Variants in HYAL4 observed in about 807,000 individuals in gnomAD.
HYAL4 encodes hyaluronidase 4.
HYAL4 carries 37 observed loss-of-function variants against 35.2 expected under a neutral mutation model. The ratio of observed to expected loss-of-function variants is 1.05; its 90% confidence interval spans 0.81 to 1.38. The LOEUF (loss-of-function observed/expected upper bound fraction) is 1.38. HYAL4 is among the 40% of genes most tolerant of loss of function. The pLI is 0.00. For synonymous variants in HYAL4, 198 were observed against 203.2 expected, an observed-to-expected ratio of 0.97 and a Z score of 0.22; for missense variants, 572 against 572.4, an observed-to-expected ratio of 1.00 and a Z score of 0.01.
chr7:123,838,076 T>A (rs1205424771), intron 1 of HYAL4, among the ~76,000 whole-genome samples: 1 of 152,130 alleles, frequency 6.6e-6, no homozygotes, highest in Non-Finnish European at 1.5e-5. Flanking sequence ...TAGTTCTAGA[T>A]CCCTGAGGAA....
chr7:123,801,934 T>A, the HYAL4 span, among the ~76,000 whole-genome samples: 1 of 152,212 alleles, frequency 6.6e-6, no homozygotes, highest in African/African-American at 2.4e-5. Context: ...GCAGTGCATT[T>A]TTTTCCCCCA....
chr7:123,873,787 T>A lies in HYAL4; in HGVS notation c.955-974T>A, dbSNP rs554527478. On this transcript the variant is annotated intron_variant, in intron 3 of 4. Coordinates refer to ENST00000223026, the MANE Select transcript of HYAL4 (RefSeq NM_012269.3). ...CCCTTTAAGATTATAAAATCAAAAT[T>A]CTCTCTGCTAAAACCTTACCTTTGT... Among the ~76,000 whole-genome samples the A allele has an allele frequency of 7.2e-4, 109 of 152,282 alleles. 2 individuals carry two copies. Among genetic ancestry groups the A allele is most frequent in the African/African-American group, 2.5e-3 (103 of 41,550 alleles).
At chr7:123,788,622 G>A in the HYAL4 span, among the ~76,000 whole-genome samples, 1 of 152,128 alleles carries the variant, frequency 6.6e-6, no homozygotes, top group Non-Finnish European at 1.5e-5. Context: ...TAGATGAAAA[G>A]TACACACTGT....
chr7:123,867,283 T>C (rs1414903149), intron 2 of HYAL4, among the ~76,000 whole-genome samples: 2 of 151,988 alleles, frequency 1.3e-5, no homozygotes, highest in African/African-American at 4.8e-5. Flanking sequence ...GCAACTAAAA[T>C]TTGGGGTCTA....
intron 2 of HYAL4, among the ~76,000 whole-genome samples, chr7:123,852,228 A>C (rs1249160725): frequency 6.6e-6 from 1 of 152,140 alleles, no homozygotes; most frequent in Non-Finnish European, 1.5e-5. Context: ...GCTGTGCAGA[A>C]GGTCTTTAGT....
At chr7:123,772,170 C>A in the HYAL4 span, among the ~76,000 whole-genome samples, 1 of 152,082 alleles carries the variant, frequency 6.6e-6, no homozygotes, top group Non-Finnish European at 1.5e-5. Flanking sequence ...TAATAAATCT[C>A]CTTTTTTATA....
chr7:123,857,248 G>C (rs1435349720), intron 2 of HYAL4, among the ~76,000 whole-genome samples: 1 of 152,160 alleles, frequency 6.6e-6, no homozygotes, highest in Non-Finnish European at 1.5e-5. Context: ...ACCTCCTGGA[G>C]CTAGCTTGGT....
the HYAL4 span, among the ~76,000 whole-genome samples, chr7:123,800,218 G>A: frequency 5.3e-5 from 8 of 150,266 alleles, no homozygotes; most frequent in African/African-American, 1.9e-4. Flanking sequence ...CACCCAGGCC[G>A]GAGTGCAGTG....
In HYAL4 at chr7:123,869,031, A is replaced by G. The variant is rs755834982; in HGVS notation, c.758A>G (p.Asn253Ser). ...AACAATGAGCTCTCTTGGCTCTGGA[A>G]CAGCAGTGCTGCTTTATATCCTTCT... ...LRNNELSWLW[N>S]SSAALYPSIG... Residue 253 changes from asparagine to serine, a missense_variant, in exon 3 of 5, where the codon AAC (asparagine) becomes AGC (serine). By Grantham distance (46) the Asn-to-Ser change is conservative (BLOSUM62 1). Coordinates refer to ENST00000223026, the MANE Select transcript of HYAL4 (RefSeq NM_012269.3). 91 of 1,614,088 alleles carry G rather than the reference A, an allele frequency of 5.6e-5. No individual in the cohort carries two copies. In the South Asian group the frequency reaches 9.3e-4, roughly 17 times the overall value.
Position 123,877,220 on chromosome 7 carries a change from A to G in HYAL4, c.*65A>G. The stretch of plus-strand genomic sequence containing the variant: ...AGTCATTTAAAGAAGGATGTAACTT[A>G]TAACATTTTTTTTCTCTTATGAATT... On this transcript the variant is annotated 3_prime_UTR_variant, in exon 5 of 5. Coordinates refer to ENST00000223026, the MANE Select transcript of HYAL4 (RefSeq NM_012269.3). 11 of 1,471,122 alleles carry G rather than the reference A, an allele frequency of 7.5e-6. No individual in the cohort carries two copies. The highest frequency in any genetic ancestry group is 9.2e-6 in the Non-Finnish European group (10 of 1,091,266). The allele number at this position is 1,471,122 out of a possible 1,614,324, so 91.1% of individuals were successfully genotyped here. A position where few individuals can be genotyped will look rare whatever the true frequency, so the allele number is the denominator to read the frequency against.
chr7:123,778,587 T>C, the HYAL4 span, among the ~76,000 whole-genome samples: 1 of 151,964 alleles, frequency 6.6e-6, no homozygotes, highest in Non-Finnish European at 1.5e-5. Context: ...GTGAGTTTCC[T>C]AGTGATGAGA....
intron 2 of HYAL4, among the ~76,000 whole-genome samples, chr7:123,862,930 C>T (rs528842427): frequency 1.3e-5 from 2 of 152,302 alleles, no homozygotes; most frequent in South Asian, 4.1e-4. Flanking sequence ...ACTCTTTCTT[C>T]TCTGGCTCCT....
chr7:123,816,119 G>A, the HYAL4 span, among the ~76,000 whole-genome samples: 1 of 151,968 alleles, frequency 6.6e-6, no homozygotes, highest in African/African-American at 2.4e-5. Context: ...TTTTGATGGG[G>A]GCACTTCTTA....
chr7:123,817,199 T>G, the HYAL4 span, among the ~76,000 whole-genome samples: 3 of 152,268 alleles, frequency 2.0e-5, no homozygotes, highest in Admixed American at 1.3e-4. Context: ...ATTTCCTACT[T>G]CTTTGCTCTT....
the HYAL4 span, among the ~76,000 whole-genome samples, chr7:123,812,876 G>C: frequency 1.3e-5 from 2 of 152,082 alleles, no homozygotes; most frequent in Non-Finnish European, 2.9e-5. Context: ...AGTGATGGGA[G>C]AAAAACCATC....
intron 2 of HYAL4, among the ~76,000 whole-genome samples, chr7:123,857,689 C>CTTTGTTTG (rs61451950): frequency 1.6e-5 from 2 of 124,370 alleles, no homozygotes; most frequent in Admixed American, 7.6e-5. Context: ...TTCTTTCTTT[C>CTTTGTTTG]TTTCTTTCTT....
the HYAL4 span, among the ~76,000 whole-genome samples, chr7:123,771,840 G>C: frequency 6.7e-6 from 1 of 148,348 alleles, no homozygotes; most frequent in African/African-American, 2.5e-5. Flanking sequence ...CATCCATGTA[G>C]AGATTAGCAT....
rs960986928 is a variant in HYAL4 at position 123,877,438 on chromosome 7, C to T, written c.*283C>T. ...TTTAGTCTTTTCATGAATGTACATA[C>T]ATAAAATTATACATAAAAATATTAA... On this transcript the variant is annotated 3_prime_UTR_variant, in exon 5 of 5. Transcript: ENST00000223026. The T allele has an allele frequency of 2.3e-5, 6 of 262,864 alleles. No individual in the cohort carries two copies. Among genetic ancestry groups the T allele is most frequent in the East Asian group, 1.4e-4 (2 of 13,886 alleles). 16.3% of individuals were successfully genotyped at this position (262,864 alleles called of 1,614,324 possible).
At chr7:123,790,224 TA>T in the HYAL4 span, among the ~76,000 whole-genome samples, 7 of 152,162 alleles carry the variant, frequency 4.6e-5, no homozygotes, top group Non-Finnish European at 7.3e-5. Context: ...GGGGAAACAG[TA>T]AAGTCTTTCC....
Sources: allele counts gnomAD v4.1 joint callset (sites outside exome capture counted in the v4.1 genomes callset), GRCh38; gene constraint gnomAD v4.1.1; transcripts MANE v1.5; gene names NCBI Gene and HGNC (gene_info 2026-07-23, HGNC 2026-07-21).